Variants in NBAS observed in about 807,000 individuals in gnomAD.
NBAS encodes NBAS subunit of NRZ tethering complex.
Under a neutral mutation model 302.5 loss-of-function variants are expected in NBAS, and 219 were observed. The observed-to-expected ratio is 0.72, with a 90% confidence interval of 0.65 to 0.81. The LOEUF (loss-of-function observed/expected upper bound fraction) is 0.81. Ranked by LOEUF, NBAS falls within the 30% of genes least tolerant of loss-of-function variation. The pLI is 0.00. For missense variants in NBAS, 2,932 were observed against 2,841.6 expected, an observed-to-expected ratio of 1.03 and a Z score of -0.72; for synonymous variants, 1,118 against 1,021.6, an observed-to-expected ratio of 1.09 and a Z score of -1.80.
At chr2:14,941,027 A>G in the NBAS span, among the ~76,000 whole-genome samples, 1 of 152,202 alleles carries the variant, frequency 6.6e-6, no homozygotes, top group Non-Finnish European at 1.5e-5. Flanking sequence ...TTGATAACTC[A>G]TTTGTGAACA....
the NBAS span, among the ~76,000 whole-genome samples, chr2:14,871,225 A>C: frequency 6.6e-6 from 1 of 151,980 alleles, no homozygotes; most frequent in African/African-American, 2.4e-5. Context: ...AGATGAGGGA[A>C]GAGAAAAAAA....
intron 29 of NBAS, 123 bp from the exon 30 acceptor site, chr2:15,379,954 C>T: frequency 1.2e-6 from 1 of 800,338 alleles, no homozygotes; most frequent in Non-Finnish European, 2.1e-6. Flanking sequence ...GTGGTGGCTG[C>T]ACAGCACTGT....
chr2:15,391,517 CAAAT>C (rs1378752018), intron 28 of NBAS, among the ~76,000 whole-genome samples: 1 of 151,686 alleles, frequency 6.6e-6, no homozygotes, highest in Non-Finnish European at 1.5e-5. Flanking sequence ...ATATTAAAAA[CAAAT>C]AAACAAGTAA....
At chr2:15,296,456 G>A (rs1156650222) in intron 40 of NBAS, among the ~76,000 whole-genome samples, 2 of 152,076 alleles carry the variant, frequency 1.3e-5, no homozygotes, top group Admixed American at 6.5e-5. Flanking sequence ...AACCTAGGAG[G>A]TGGAGGTTGC....
chr2:15,113,922 A>G, the NBAS span, among the ~76,000 whole-genome samples: 1 of 152,208 alleles, frequency 6.6e-6, no homozygotes, highest in South Asian at 2.1e-4. Flanking sequence ...GGCTACTAAC[A>G]GCACAAAAAG....
intron 12 of NBAS, among the ~76,000 whole-genome samples, chr2:15,480,743 G>A (rs769707599): frequency 6.6e-6 from 1 of 152,172 alleles, no homozygotes; most frequent in Non-Finnish European, 1.5e-5. Flanking sequence ...AATAAGTCCA[G>A]GTCAGCAGGT....
intron 9 of NBAS, among the ~76,000 whole-genome samples, chr2:15,530,346 C>T (rs1663161265): frequency 6.6e-6 from 1 of 151,840 alleles, no homozygotes; most frequent in African/African-American, 2.4e-5. Context: ...CTAAAGAGAA[C>T]TTCTATAAAT....
chr2:15,179,785 T>TACCAACTGA (rs1558413885), intron 50 of NBAS: 4 of 152,416 alleles, frequency 2.6e-5, no homozygotes, highest in African/African-American at 9.6e-5. Context: ...ATCTGAATTT[T>TACCAACTGA]ATTCTCAGCC....
intron 2 of NBAS, among the ~76,000 whole-genome samples, chr2:15,557,683 G>A (rs1664711208): frequency 6.6e-6 from 1 of 152,116 alleles, no homozygotes. Context: ...ACTGGTATAA[G>A]GATGGACTTT....
the NBAS span, among the ~76,000 whole-genome samples, chr2:14,783,366 A>T: frequency 6.6e-6 from 1 of 151,564 alleles, no homozygotes; most frequent in South Asian, 2.1e-4. Flanking sequence ...CATGTGCACA[A>T]TGTGCAGGTT....
Position 15,245,664 on chromosome 2 carries a change from T to A in NBAS, c.5725-6978A>T, listed in dbSNP as rs72776632. 3.0e-5 allele frequency among the ~76,000 whole-genome samples: 4 copies of A among 132,434 alleles called. No homozygotes were observed. In the South Asian group the frequency reaches 8.9e-4, roughly 29 times the overall value. 86.9% of individuals were successfully genotyped at this position (132,434 alleles called of 152,430 possible). On this transcript the variant is annotated intron_variant, in intron 44 of 51. Transcript: ENST00000281513. ...ATGGATGGACGGACGGACGGACGGA[T>A]GGATGGATGGATGACACTGTTTAAA...
chr2:15,241,940 G>A (rs1026043784), intron 44 of NBAS, among the ~76,000 whole-genome samples: 2 of 152,042 alleles, frequency 1.3e-5, no homozygotes, highest in Non-Finnish European at 2.9e-5. Context: ...TCATTACCTG[G>A]TGCTTTTACT....
At chr2:15,543,552 T>C (rs1174314010) in intron 6 of NBAS, among the ~76,000 whole-genome samples, 1 of 152,214 alleles carries the variant, frequency 6.6e-6, no homozygotes, top group African/African-American at 2.4e-5. Context: ...CAGTTCCATG[T>C]GGTTAGGGAA....
chr2:15,034,072 GA>G, the NBAS span, among the ~76,000 whole-genome samples: 54 of 46,954 alleles, frequency 1.2e-3, no homozygotes, highest in African/African-American at 6.5e-3. Context: ...AGGGGAAGGA[GA>G]GGAAGAAGAA....
At chr2:14,953,320 A>C in the NBAS span, among the ~76,000 whole-genome samples, 21,600 of 152,224 alleles carry the variant, frequency 0.14, 1,940 homozygotes, top group African/African-American at 0.26. Flanking sequence ...GAGAAAAGGA[A>C]TCAGAGGAGA....
chr2:15,064,998 T>C, the NBAS span, among the ~76,000 whole-genome samples: 1 of 152,130 alleles, frequency 6.6e-6, no homozygotes, highest in South Asian at 2.1e-4. Context: ...ATATCACATG[T>C]TCATCTCAAG....
chr2:15,222,803 C>G (rs1195565194), intron 47 of NBAS, among the ~76,000 whole-genome samples: 1 of 152,168 alleles, frequency 6.6e-6, no homozygotes, highest in Non-Finnish European at 1.5e-5. Flanking sequence ...TATTCCAGAA[C>G]AGTGTGGCAG....
the NBAS span, among the ~76,000 whole-genome samples, chr2:14,968,258 C>A: frequency 2.6e-5 from 4 of 152,142 alleles, no homozygotes; most frequent in Non-Finnish European, 4.4e-5. Context: ...AGAACTCTTA[C>A]AATTCAATAA....
the NBAS span, among the ~76,000 whole-genome samples, chr2:15,153,344 T>C: frequency 6.6e-6 from 1 of 152,238 alleles, no homozygotes; most frequent in Non-Finnish European, 1.5e-5. Context: ...ACATTTTGAA[T>C]GTGGTGCTAT....
Sources: allele counts gnomAD v4.1 joint callset (sites outside exome capture counted in the v4.1 genomes callset), GRCh38; gene constraint gnomAD v4.1.1; transcripts MANE v1.5; gene names NCBI Gene and HGNC (gene_info 2026-07-23, HGNC 2026-07-21).